The following PDE1C variants were observed in gnomAD, a reference collection of about 807,000 sequenced individuals.
The protein encoded by PDE1C is dual specificity calcium/calmodulin-dependent 3',5'-cyclic nucleotide phosphodiesterase 1C.
PDE1C carries 62 observed loss-of-function variants against 93.1 expected under a neutral mutation model. That is an observed-to-expected ratio of 0.67 (90% CI 0.54 to 0.82). The LOEUF is 0.82. Among genes scored for constraint, PDE1C ranks in the 40% least tolerant of loss-of-function variants. The pLI is 0.00. For missense variants in PDE1C, 742 were observed against 884.6 expected (o/e 0.84, Z 2.04); for synonymous variants, 325 against 310.1 (o/e 1.05, Z -0.50).
chr7:32,248,129 T>C (rs540693864), intron 1 of PDE1C, among the ~76,000 whole-genome samples: 86 of 152,170 alleles, frequency 5.7e-4, no homozygotes, highest in South Asian at 6.2e-4. Flanking sequence ...GGTGTAAAGA[T>C]AATTATTTAA....
intron 2 of PDE1C, among the ~76,000 whole-genome samples, chr7:31,924,906 T>C (rs1010356494): frequency 6.6e-6 from 1 of 152,246 alleles, no homozygotes; most frequent in Non-Finnish European, 1.5e-5. Context: ...AAGCAGTCTT[T>C]AATTCAGGTA....
intron 1 of PDE1C, among the ~76,000 whole-genome samples, chr7:32,363,808 T>C (rs1218330963): frequency 6.6e-6 from 1 of 152,242 alleles, no homozygotes; most frequent in African/African-American, 2.4e-5. Flanking sequence ...ACTTCCCTCA[T>C]TAAAAATCTA....
chr7:31,796,320 AGTGT>A (rs981738987), intron 16 of PDE1C, among the ~76,000 whole-genome samples: 19 of 151,514 alleles, frequency 1.3e-4, no homozygotes, highest in African/African-American at 4.1e-4. Context: ...TGTGTACATA[AGTGT>A]GTGTGTAATT....
intron 2 of PDE1C, among the ~76,000 whole-genome samples, chr7:31,881,335 G>C (rs1371030848): frequency 6.6e-6 from 1 of 151,698 alleles, no homozygotes; most frequent in African/African-American, 2.4e-5. Flanking sequence ...ACCACAAGAG[G>C]GCTACAGAAG....
chr7:32,168,090 C>CAATA lies in PDE1C; in HGVS notation c.308+1691_308+1694dup, dbSNP rs148238877. Among the ~76,000 whole-genome samples, 688 of 151,964 alleles carry CAATA rather than the reference C, an allele frequency of 4.5e-3. 5 individuals are homozygous for CAATA. The highest frequency in any genetic ancestry group is 0.015 in the African/African-American group (639 of 41,444). On this transcript the variant is annotated intron_variant, in intron 3 of 18. Coordinates refer to the PDE1C transcript ENST00000396193. ...TAGTACACAGTTGTATTAAGGGTAC[C>CAATA]AATAAATAAATAAATAAATAAATGC... is the stretch of plus-strand genomic sequence containing the variant.
chr7:31,666,536 T>C, the PDE1C span, among the ~76,000 whole-genome samples: 1 of 152,248 alleles, frequency 6.6e-6, no homozygotes, highest in African/African-American at 2.4e-5. Flanking sequence ...TTGATTATAC[T>C]AAAAGGAAAA....
chr7:32,213,395 G>T (rs961991427), intron 1 of PDE1C, among the ~76,000 whole-genome samples: 1 of 152,088 alleles, frequency 6.6e-6, no homozygotes, highest in Non-Finnish European at 1.5e-5. Context: ...ACTATTGTTG[G>T]ACTATACACT....
rs1225282837 is a variant in PDE1C at position 32,426,025 on chromosome 7, AC to A, written c.310+1796del. ...CATGGTTACATATGTTTGTAATTGA[AC>A]TGATATCTCCCACACACAAAAAATA... On this transcript the variant is annotated intron_variant, in intron 1 of 1. Coordinates refer to the PDE1C transcript ENST00000672256. 4.6e-5 allele frequency among the ~76,000 whole-genome samples: 7 copies of A among 152,176 alleles called. 1 individual carries two copies. Among genetic ancestry groups the A allele is most frequent in the Non-Finnish European group, 1.0e-4 (7 of 68,042 alleles).
the PDE1C span, among the ~76,000 whole-genome samples, chr7:31,744,253 T>C: frequency 6.0e-4 from 91 of 152,184 alleles, no homozygotes; most frequent in African/African-American, 2.1e-3. Context: ...GGTTTCTTTA[T>C]GTAGACAAAC....
chr7:31,825,990 C>T (rs1443477223), intron 12 of PDE1C, among the ~76,000 whole-genome samples: 1 of 152,072 alleles, frequency 6.6e-6, no homozygotes, highest in Non-Finnish European at 1.5e-5. Flanking sequence ...AGAACTATAC[C>T]TTTGTATAGT....
At chr7:31,720,950 G>GA in the PDE1C span, among the ~76,000 whole-genome samples, 148 of 151,806 alleles carry the variant, frequency 9.7e-4, no homozygotes, top group South Asian at 3.5e-3. Context: ...TAATTTCAGA[G>GA]AAAAAAAAGA....
chr7:31,925,802 T>G (rs1371776391), intron 2 of PDE1C, among the ~76,000 whole-genome samples: 1 of 152,206 alleles, frequency 6.6e-6, no homozygotes, highest in African/African-American at 2.4e-5. Context: ...TTTCCTAATT[T>G]TCCCCAATTT....
At chr7:31,665,573 G>A in the PDE1C span, among the ~76,000 whole-genome samples, 4 of 152,102 alleles carry the variant, frequency 2.6e-5, no homozygotes, top group African/African-American at 7.2e-5. Flanking sequence ...CACAAACAAG[G>A]CAGTTTAATC....
chr7:32,118,785 T>C (rs1799130629), intron 3 of PDE1C, among the ~76,000 whole-genome samples: 1 of 152,204 alleles, frequency 6.6e-6, no homozygotes, highest in African/African-American at 2.4e-5. Flanking sequence ...AAGGTCCTAC[T>C]TCTTAATACC....
the PDE1C span, among the ~76,000 whole-genome samples, chr7:31,700,279 G>C: frequency 6.6e-6 from 1 of 152,182 alleles, no homozygotes; most frequent in Admixed American, 6.5e-5. Context: ...CATCCTTATT[G>C]TTGATACGGG....
chr7:31,790,399 T>C (rs971337788), intron 16 of PDE1C: 20 of 674,232 alleles, frequency 3.0e-5, no homozygotes, highest in Non-Finnish European at 4.6e-5. Flanking sequence ...ATACTGGTCA[T>C]TGCTGTCTCC....
At chr7:31,962,142 A>G (rs1162181604) in intron 2 of PDE1C, among the ~76,000 whole-genome samples, 1 of 152,236 alleles carries the variant, frequency 6.6e-6, no homozygotes, top group Admixed American at 6.5e-5. Flanking sequence ...TACAAAAATG[A>G]AGAAATACTT....
At chr7:32,030,078 AACACACACACACACAC>A (rs376919544) in intron 2 of PDE1C, among the ~76,000 whole-genome samples, 187 of 134,082 alleles carry the variant, frequency 1.4e-3, no homozygotes, top group South Asian at 4.0e-3. Flanking sequence ...TGCATATTAT[AACACACACACACACAC>A]ACACACACAC....
intron 2 of PDE1C, among the ~76,000 whole-genome samples, chr7:32,176,960 G>A (rs1221945768): frequency 6.6e-6 from 1 of 152,186 alleles, no homozygotes; most frequent in African/African-American, 2.4e-5. Context: ...TACATATTCA[G>A]CAGGCTCTGA....
Sources: gnomAD v4.1 joint callset for allele counts (sites outside exome capture counted in the v4.1 genomes callset) on GRCh38, gnomAD v4.1.1 for gene constraint, MANE v1.5 for transcripts, NCBI Gene and HGNC (gene_info 2026-07-23, HGNC 2026-07-21) for gene names.